RBFOX3: variants seen among roughly 807,000 people sequenced by gnomAD.
RBFOX3 encodes RNA binding fox-1 homolog 3, also known as RNA binding protein fox-1 homolog 3.
A neutral mutation model predicts 48.7 loss-of-function variants in RBFOX3; 17 were observed. The ratio of observed to expected loss-of-function variants is 0.35; its 90% CI spans 0.24 to 0.52. The LOEUF (loss-of-function observed/expected upper bound fraction) is 0.52, where lower values mean the gene tolerates loss of function less well. RBFOX3 is among the 20% of genes least tolerant of loss of function. The pLI, the probability that RBFOX3 is intolerant of heterozygous loss-of-function variation, is 0.94. For missense variants in RBFOX3, 382 were observed against 497.5 expected (o/e 0.77, Z 2.21); for synonymous variants, 212 against 209.5 (o/e 1.01, Z -0.10).
chr17:79,232,875 C>T (rs1485003495), intron 4 of RBFOX3, among the ~76,000 whole-genome samples: 1 of 152,204 alleles, frequency 6.6e-6, no homozygotes, highest in East Asian at 1.9e-4. Context: ...CCAAGGGTTG[C>T]GGAGGCTGAA....
intron 1 of RBFOX3, among the ~76,000 whole-genome samples, chr17:79,498,066 C>A (rs1278428181): frequency 1.3e-5 from 2 of 152,348 alleles, no homozygotes; most frequent in Non-Finnish European, 1.5e-5. Flanking sequence ...AGATTTACCT[C>A]TTTGGCAAGA....
chr17:79,584,550 ATG>A (rs1183852264), intron 1 of RBFOX3, among the ~76,000 whole-genome samples: 2,757 of 149,952 alleles, frequency 0.018, 86 homozygotes, highest in African/African-American at 0.063. Flanking sequence ...ATGTGTGTGT[ATG>A]TGTGTGTGTG....
the RBFOX3 span, among the ~76,000 whole-genome samples, chr17:79,642,366 C>T: frequency 1.3e-5 from 2 of 152,030 alleles, no homozygotes; most frequent in African/African-American, 4.8e-5. Flanking sequence ...TTCACCACAA[C>T]AAAAAATACT....
chr17:79,646,309 C>T, the RBFOX3 span, among the ~76,000 whole-genome samples: 1 of 152,088 alleles, frequency 6.6e-6, no homozygotes, highest in African/African-American at 2.4e-5. Context: ...TGTCAGAAAA[C>T]GTGACATGAG....
chr17:79,598,466 G>C (rs2093626398), intron 1 of RBFOX3: 1 of 152,312 alleles, frequency 6.6e-6, no homozygotes, highest in South Asian at 2.1e-4. Context: ...TGTATTCTCT[G>C]TTCTCCTGGC....
intron 1 of RBFOX3, among the ~76,000 whole-genome samples, chr17:79,548,793 G>A (rs1489963707): frequency 4.6e-5 from 7 of 152,192 alleles, no homozygotes; most frequent in African/African-American, 1.4e-4. Context: ...TTCAGGACCC[G>A]GCATACAAGT....
At chr17:79,091,117 C>G (rs2073807852) in intron 14 of RBFOX3, among the ~76,000 whole-genome samples, 2 of 152,210 alleles carry the variant, frequency 1.3e-5, no homozygotes, top group African/African-American at 2.4e-5. Flanking sequence ...GAGGAGGAGA[C>G]AGAGCTGAGC....
At chr17:79,203,844 A>T (rs1321205743) in intron 4 of RBFOX3, among the ~76,000 whole-genome samples, 1 of 152,134 alleles carries the variant, frequency 6.6e-6, no homozygotes, top group Non-Finnish European at 1.5e-5. Flanking sequence ...TGTACCAATT[A>T]CAATTGACAC....
chr17:79,108,350 TGCGA>T (rs576863187), intron 5 of RBFOX3, among the ~76,000 whole-genome samples: 118 of 152,356 alleles, frequency 7.7e-4, no homozygotes, highest in African/African-American at 2.7e-3. Flanking sequence ...GCAGCCAGCC[TGCGA>T]GCAAGAGGAG....
chr17:79,145,069 G>C (rs2042742392), intron 4 of RBFOX3, among the ~76,000 whole-genome samples: 1 of 152,206 alleles, frequency 6.6e-6, no homozygotes, highest in African/African-American at 2.4e-5. Flanking sequence ...GCGGGACAGG[G>C]TGTGCGGGGT....
chr17:79,632,622 G>T, the RBFOX3 span, among the ~76,000 whole-genome samples: 1 of 152,070 alleles, frequency 6.6e-6, no homozygotes, highest in African/African-American at 2.4e-5. Flanking sequence ...ACGCTCCTGT[G>T]GCGGAGTACA....
intron 3 of RBFOX3, among the ~76,000 whole-genome samples, chr17:79,303,654 T>C (rs1026202755): frequency 6.6e-6 from 1 of 152,150 alleles, no homozygotes; most frequent in African/African-American, 2.4e-5. Context: ...AGAGAAATGA[T>C]AGTTTACTCC....
At chr17:79,101,456 G>T in intron 9 of RBFOX3, 128 bp downstream of exon 9, 1 of 837,288 alleles carries the variant, frequency 1.2e-6, no homozygotes, top group Non-Finnish European at 2.0e-6. Context: ...GCAGCCCCAG[G>T]GCTGGGACAC....
rs536159378 is a variant in RBFOX3 at position 79,290,416 on chromosome 17, G to A, written c.-74+17308C>T. 4.5e-4 allele frequency among the ~76,000 whole-genome samples: 68 copies of A among 152,214 alleles called. No individual in the cohort carries two copies. The South Asian group carries it at 9.3e-3, about 21-fold the overall frequency. ...TTCCCCATCTGGAAAGTAGAGATTC[G>A]TGATTTTCCATATGCTGTGACGGTG... On this transcript the variant is annotated intron_variant, in intron 3 of 14. Coordinates refer to ENST00000693108, the MANE Select transcript of RBFOX3 (RefSeq NM_001350451.2).
chr17:79,591,015 C>T (rs1057193671), intron 1 of RBFOX3, among the ~76,000 whole-genome samples: 2 of 152,234 alleles, frequency 1.3e-5, no homozygotes, highest in African/African-American at 4.8e-5. Flanking sequence ...TCCCAGCCCT[C>T]GGAGGGACGA....
At chr17:79,261,689 C>T (rs2065806125) in intron 3 of RBFOX3, among the ~76,000 whole-genome samples, 1 of 152,244 alleles carries the variant, frequency 6.6e-6, no homozygotes. Flanking sequence ...AGCTCGCACA[C>T]AGGCGGGTGG....
At chr17:79,178,829 C>T (rs1025334395) in intron 4 of RBFOX3, among the ~76,000 whole-genome samples, 10 of 152,228 alleles carry the variant, frequency 6.6e-5, no homozygotes, top group African/African-American at 1.4e-4. Flanking sequence ...AAACATCACC[C>T]GACCTCAACT....
chr17:79,439,777 C>T (rs1300457044), intron 2 of RBFOX3, among the ~76,000 whole-genome samples: 1 of 152,246 alleles, frequency 6.6e-6, no homozygotes, highest in Non-Finnish European at 1.5e-5. Flanking sequence ...CATGCATGCA[C>T]ACACACATAC....
chr17:79,417,994 A>G lies in RBFOX3; in HGVS notation c.-175+64460T>C, dbSNP rs531527430. Among the ~76,000 whole-genome samples, 5 of 152,334 alleles carry G rather than the reference A, an allele frequency of 3.3e-5. No homozygotes were observed. The South Asian group carries it at 1.0e-3, about 32-fold the overall frequency. ...GGACAAATCCTGTGTGAGTCCACTC[A>G]TGTGAGGTCCTTAGAGTCATCAGAT... On this transcript the variant is annotated intron_variant, in intron 2 of 14. Transcript: ENST00000693108.
Sources: allele counts gnomAD v4.1 joint callset (sites outside exome capture counted in the v4.1 genomes callset), GRCh38; gene constraint gnomAD v4.1.1; transcripts MANE v1.5; gene names NCBI Gene and HGNC (gene_info 2026-07-23, HGNC 2026-07-21).